SLC12A2: variants seen among roughly 807,000 people sequenced by gnomAD.
SLC12A2 encodes the protein solute carrier family 12 member 2, also known as Na-K-2Cl cotransporter 1.
Under a neutral mutation model 136.3 loss-of-function variants are expected in SLC12A2, and 67 were observed. The observed-to-expected ratio is 0.49, with a 90% CI of 0.40 to 0.60. The LOEUF is 0.60. Ranked by LOEUF, SLC12A2 falls within the 20% of genes least tolerant of loss-of-function variation. The probability of loss-of-function intolerance (pLI) is 0.00; values close to 1 mark genes in which losing one functional copy is unlikely to be tolerated. For synonymous variants in SLC12A2, 619 were observed against 562.9 expected (o/e 1.10, Z -1.41); for missense variants, 1,322 against 1,534.7 (o/e 0.86, Z 2.32).
chr5:128,139,859 A>G (rs976868388), intron 9 of SLC12A2, among the ~76,000 whole-genome samples: 2 of 152,184 alleles, frequency 1.3e-5, no homozygotes, highest in East Asian at 1.9e-4. Context: ...ATATTCACTG[A>G]TTTGCTGGGA....
At chr5:128,181,239 T>A (rs1014104870) in intron 23 of SLC12A2, among the ~76,000 whole-genome samples, 3 of 152,234 alleles carry the variant, frequency 2.0e-5, no homozygotes, top group African/African-American at 7.2e-5. Context: ...CCTTCTTAAA[T>A]ACTTGTAACA....
At chr5:128,114,146 A>T (rs1159184078) in intron 2 of SLC12A2, 66 bp from the exon 3 acceptor site, 1 of 1,163,838 alleles carries the variant, frequency 8.6e-7, no homozygotes, top group African/African-American at 1.5e-5. Flanking sequence ...GACTGGTTTA[A>T]TGCTTACTAT....
At chr5:128,112,963 T>G in intron 2 of SLC12A2, 30 bp downstream of exon 2, 1 of 1,538,256 alleles carries the variant, frequency 6.5e-7, no homozygotes, top group South Asian at 1.3e-5. Flanking sequence ...ATTTTATAGT[T>G]ACAGCATATC....
At chr5:128,106,870 AG>A (rs1463763370) in intron 1 of SLC12A2, among the ~76,000 whole-genome samples, 1 of 152,226 alleles carries the variant, frequency 6.6e-6, no homozygotes, top group Non-Finnish European at 1.5e-5. Flanking sequence ...TAGAAAAAGT[AG>A]CCTACTAAGT....
At chr5:128,130,760 G>A (rs1581094496) in intron 4 of SLC12A2, among the ~76,000 whole-genome samples, 1 of 152,124 alleles carries the variant, frequency 6.6e-6, no homozygotes, top group East Asian at 1.9e-4. Context: ...GATCTCTTGG[G>A]ATCTGTGAAG....
At chr5:128,181,119 G>C (rs887772686) in intron 23 of SLC12A2, 125 bp downstream of exon 23, 2 of 668,888 alleles carry the variant, frequency 3.0e-6, no homozygotes, top group African/African-American at 3.7e-5. Context: ...CTTTACTGAA[G>C]TTAAAAATTT....
At chr5:128,181,860 CCTTTT>C (rs1763717608) in intron 23 of SLC12A2, among the ~76,000 whole-genome samples, 1 of 152,068 alleles carries the variant, frequency 6.6e-6, no homozygotes. Flanking sequence ...ACTTGCCTCT[CCTTTT>C]ATCTCTTTAA....
intron 4 of SLC12A2, among the ~76,000 whole-genome samples, chr5:128,129,136 G>A (rs1761922336): frequency 1.3e-5 from 2 of 152,000 alleles, no homozygotes; most frequent in South Asian, 4.1e-4. Flanking sequence ...AACTACTAAA[G>A]ACAAGAGTGT....
chr5:128,121,186 A>G (rs1221531449), intron 4 of SLC12A2, among the ~76,000 whole-genome samples: 6 of 152,246 alleles, frequency 3.9e-5, no homozygotes, highest in African/African-American at 1.4e-4. Context: ...AACAAATGTA[A>G]TAATGTCCAA....
chr5:128,101,568 G>A (rs1331054139), intron 1 of SLC12A2, among the ~76,000 whole-genome samples: 1 of 152,052 alleles, frequency 6.6e-6, no homozygotes, highest in African/African-American at 2.4e-5. Flanking sequence ...ATACACTTTT[G>A]TATGTTAACA....
chr5:128,167,481 A>G lies in SLC12A2; in HGVS notation c.2617-280A>G, dbSNP rs540668400. 3.9e-5 allele frequency among the ~76,000 whole-genome samples: 6 copies of G among 152,272 alleles called. No homozygotes were observed. In the South Asian group the frequency reaches 1.2e-3, roughly 32 times the overall value. ...ATTATATTCTCTTTCTCTTAGTAAA[A>G]ATATGAAAATTTTGGTAGATCATAA... On this transcript the variant is annotated intron_variant, in intron 17 of 26. Transcript: ENST00000262461.
At chr5:128,183,724 T>C (rs1391229482) in intron 24 of SLC12A2, among the ~76,000 whole-genome samples, 1 of 152,076 alleles carries the variant, frequency 6.6e-6, no homozygotes, top group Non-Finnish European at 1.5e-5. Context: ...TACATCACTT[T>C]TATTCATTGA....
rs528728980 is a variant in SLC12A2 at position 128,083,774 on chromosome 5, G to A, written c.-181G>A. 2.8e-5 allele frequency: 11 copies of A among 395,466 alleles called. 1 individual carries two copies. In the South Asian group the frequency reaches 9.0e-4, roughly 32 times the overall value. The allele number at this position is 395,466 out of a possible 1,614,324, so 24.5% of individuals were successfully genotyped here. On this transcript the variant is annotated 5_prime_UTR_variant, in exon 1 of 27. Transcript: ENST00000262461. ...CCCGCCCCGCGCCCGCCACACTCGC[G>A]CGCTCGCTCGGCTGCCGGTGGCCTC...
rs1438560098 is a variant in SLC12A2, at chr5:128,182,851, G to A, written c.3213-4G>A. ...TATCTTAATTCTATTTATTTTTGTT[G>A]TAGGATGGCTACTTTGCTTAGCAAG... On this transcript the variant is annotated splice_polypyrimidine_tract_variant and splice_region_variant and intron_variant, in intron 23 of 26. Coordinates refer to ENST00000262461, the MANE Select transcript of SLC12A2 (RefSeq NM_001046.3). The A allele has an allele frequency of 1.9e-6, 3 of 1,601,358 alleles. No individual in the cohort carries two copies. Among genetic ancestry groups the A allele is most frequent in the African/African-American group, 1.3e-5 (1 of 74,668 alleles).
chr5:128,086,811 T>TAA (rs1053892869), intron 1 of SLC12A2, among the ~76,000 whole-genome samples: 11 of 152,308 alleles, frequency 7.2e-5, no homozygotes, highest in African/African-American at 2.4e-4. Flanking sequence ...GGAGGGGTTA[T>TAA]AACAGGTTGG....
chr5:128,146,869 C>G (rs753954561), intron 10 of SLC12A2, among the ~76,000 whole-genome samples: 2 of 151,522 alleles, frequency 1.3e-5, no homozygotes, highest in Non-Finnish European at 3.0e-5. Context: ...AAAACTTGTA[C>G]CTCATTTTGA....
In SLC12A2 at chr5:128,181,283, G is replaced by T. The variant is rs957025494; in HGVS notation, c.3212+289G>T. Reference sequence around the variant, plus strand: ...TTAAGCAACTTCTTTCTTTTAATCAGGGAGAAAATGCACAAACGTTACATA... The same window carrying T: ...TTAAGCAACTTCTTTCTTTTAATCATGGAGAAAATGCACAAACGTTACATA... On this transcript the variant is annotated intron_variant, in intron 23 of 26. Transcript: ENST00000262461. Among the ~76,000 whole-genome samples the T allele has an allele frequency of 3.3e-5, 5 of 151,942 alleles. 1 individual carries two copies. Among genetic ancestry groups the T allele is most frequent in the Admixed American group, 3.3e-4 (5 of 15,256 alleles).
intron 2 of SLC12A2, among the ~76,000 whole-genome samples, chr5:128,113,420 T>C (rs1343626726): frequency 2.6e-5 from 4 of 152,194 alleles, no homozygotes; most frequent in African/African-American, 9.7e-5. Flanking sequence ...ACTTTGTGCA[T>C]AGATTTAGGT....
chr5:128,185,767 G>T (rs1043996849), intron 26 of SLC12A2, among the ~76,000 whole-genome samples: 16 of 152,176 alleles, frequency 1.1e-4, no homozygotes, highest in African/African-American at 3.4e-4. Context: ...ATTAAAGAAG[G>T]GGAAACCTAG....
Sources: gnomAD v4.1 joint callset for allele counts (sites outside exome capture counted in the v4.1 genomes callset) on GRCh38, gnomAD v4.1.1 for gene constraint, MANE v1.5 for transcripts, NCBI Gene and HGNC (gene_info 2026-07-23, HGNC 2026-07-21) for gene names.